Variants in PTPRM observed in about 807,000 individuals in gnomAD.
PTPRM encodes the protein receptor-type tyrosine-protein phosphatase mu.
In PTPRM, 47 loss-of-function variants were observed where a neutral mutation model predicts 186.7. That is an observed-to-expected ratio of 0.25 (90% CI 0.20 to 0.32). The LOEUF is 0.32. Ranked by LOEUF, PTPRM falls within the 10% of genes least tolerant of loss-of-function variation. The pLI is 1.00. For synonymous variants in PTPRM, 668 were observed against 674.9 expected (o/e 0.99, Z 0.16); for missense variants, 1,494 against 1,865.0 (o/e 0.80, Z 3.66).
At chr18:7,696,201 A>G (rs914144307) in intron 1 of PTPRM, among the ~76,000 whole-genome samples, 1 of 152,162 alleles carries the variant, frequency 6.6e-6, no homozygotes. Context: ...ACAACTTACT[A>G]TGCTGACACT....
At position 7,698,651 on chromosome 18, in the gene PTPRM, G is replaced by A. The variant is rs192730212; in HGVS notation, c.74-75498G>A. On this transcript the variant is annotated intron_variant, in intron 1 of 32. Coordinates refer to ENST00000580170, the MANE Select transcript of PTPRM (RefSeq NM_001105244.2). The stretch of plus-strand genomic sequence containing the variant: ...GTGGAATTCATAAGTGTTAGAATAT[G>A]CATTTGTTTAAATTCAGTAACACAA... Among the ~76,000 whole-genome samples, 942 of 152,256 alleles carry A rather than the reference G, an allele frequency of 6.2e-3. 9 individuals are homozygous for A. The highest frequency in any genetic ancestry group is 0.014 in the Middle Eastern group (4 of 294).
At chr18:8,129,562 G>A (rs1392721074) in intron 13 of PTPRM, among the ~76,000 whole-genome samples, 1 of 152,190 alleles carries the variant, frequency 6.6e-6, no homozygotes, top group Non-Finnish European at 1.5e-5. Context: ...TAGGCAAATG[G>A]CTGTGTTGTA....
intron 14 of PTPRM, among the ~76,000 whole-genome samples, chr18:8,146,290 G>T (rs542093862): frequency 6.6e-6 from 1 of 151,976 alleles, no homozygotes; most frequent in Admixed American, 6.6e-5. Context: ...CAAAGTGCTG[G>T]GATTACAGGC....
chr18:8,251,064 C>T (rs956534866), intron 17 of PTPRM, among the ~76,000 whole-genome samples: 3 of 152,036 alleles, frequency 2.0e-5, no homozygotes, highest in Admixed American at 2.0e-4. Context: ...TGCTTGAAGA[C>T]GTGTTCCACA....
intron 14 of PTPRM, among the ~76,000 whole-genome samples, chr18:8,175,356 A>T (rs1001333541): frequency 6.6e-6 from 1 of 152,232 alleles, no homozygotes; most frequent in Admixed American, 6.5e-5. Flanking sequence ...ACTGGAGTGA[A>T]TAAATATTCA....
intron 5 of PTPRM, 29 bp downstream of exon 5, chr18:7,926,712 G>C: frequency 6.4e-7 from 1 of 1,561,792 alleles, no homozygotes; most frequent in Non-Finnish European, 8.8e-7. Context: ...ATCAGTTGAT[G>C]AGAGTCCAGC....
At chr18:7,667,803 G>T (rs112488627) in intron 1 of PTPRM, among the ~76,000 whole-genome samples, 64 of 152,184 alleles carry the variant, frequency 4.2e-4, no homozygotes, top group African/African-American at 7.9e-4. Flanking sequence ...ATTGTATAAT[G>T]AGGGCAGAAA....
chr18:8,390,450 A>C lies in PTPRM; in HGVS notation c.4208+3215A>C, dbSNP rs555425302. Among the ~76,000 whole-genome samples, 111 of 152,364 alleles carry C rather than the reference A, an allele frequency of 7.3e-4. 1 individual carries two copies. Among genetic ancestry groups the C allele is most frequent in the Non-Finnish European group, 1.6e-4 (11 of 68,032 alleles). On this transcript the variant is annotated intron_variant, in intron 31 of 32. Transcript: ENST00000580170. ...TCATTAAAATTGAGCCCTTCTCTTC[A>C]TCAAAAGATGGCAATAAGAGGGTGA...
At chr18:7,871,398 G>A (rs536249304) in intron 2 of PTPRM, among the ~76,000 whole-genome samples, 140 of 152,176 alleles carry the variant, frequency 9.2e-4, no homozygotes, top group African/African-American at 3.1e-3. Flanking sequence ...TGTTTTCTGC[G>A]GTGCCATTCT....
intron 19 of PTPRM, among the ~76,000 whole-genome samples, chr18:8,281,506 C>CT (rs1453683110): frequency 1.3e-5 from 2 of 152,164 alleles, no homozygotes; most frequent in Non-Finnish European, 2.9e-5. Flanking sequence ...TGAGCTCTCT[C>CT]TAAGTGGCTG....
At chr18:7,743,318 A>T (rs1469984467) in intron 1 of PTPRM, among the ~76,000 whole-genome samples, 1 of 152,236 alleles carries the variant, frequency 6.6e-6, no homozygotes, top group Non-Finnish European at 1.5e-5. Context: ...TGCTTGCTAC[A>T]GTGTATCATG....
At chr18:8,291,982 G>T (rs1379815868) in intron 19 of PTPRM, among the ~76,000 whole-genome samples, 1 of 152,108 alleles carries the variant, frequency 6.6e-6, no homozygotes, top group Non-Finnish European at 1.5e-5. Context: ...GGCAGTCCCG[G>T]CTGCAAACTA....
intron 14 of PTPRM, among the ~76,000 whole-genome samples, chr18:8,234,931 T>C (rs1488155425): frequency 6.6e-6 from 1 of 152,128 alleles, no homozygotes; most frequent in African/African-American, 2.4e-5. Flanking sequence ...ACCTGAAATA[T>C]ATTCTACTTG....
rs1446326423 is a variant in PTPRM at position 8,126,019 on chromosome 18, A to ATTT, written c.2167+11193_2167+11194insTTT. ...TATATATATATATATATATATATAT[A>ATTT]TATATATATTTTAAATCAGTAGACC... is the stretch of plus-strand genomic sequence containing the variant. On this transcript the variant is annotated intron_variant, in intron 13 of 32. Transcript: ENST00000580170. Among the ~76,000 whole-genome samples, 184 of 31,858 alleles carry ATTT rather than the reference A, an allele frequency of 5.8e-3. 14 individuals are homozygous for ATTT. The highest frequency in any genetic ancestry group is 0.028 in the Admixed American group (54 of 1,938). 20.9% of individuals were successfully genotyped at this position (31,858 alleles called of 152,430 possible).
intron 21 of PTPRM, among the ~76,000 whole-genome samples, chr18:8,315,920 T>C (rs1025957662): frequency 1.3e-5 from 2 of 152,216 alleles, no homozygotes; most frequent in African/African-American, 4.8e-5. Context: ...CTGCACTATT[T>C]TGATAACAAC....
rs1203640066 is a variant in PTPRM at position 7,926,871 on chromosome 18, CT to C, written c.663+198del. Among the ~76,000 whole-genome samples, 11 of 149,522 alleles carry C rather than the reference CT, an allele frequency of 7.4e-5. 1 individual carries two copies. Among genetic ancestry groups the C allele is most frequent in the South Asian group, 2.1e-4 (1 of 4,720 alleles). ...TTGTTTAAACACCTTTTGTGAATTTCTTTTTTTTTTCCTTTGCTTATGCTTA... is the reference window on the plus strand; with the variant it reads ...TTGTTTAAACACCTTTTGTGAATTTCTTTTTTTTTCCTTTGCTTATGCTTA... On this transcript the variant is annotated intron_variant, in intron 5 of 32. Transcript: ENST00000580170.
chr18:8,286,146 G>A (rs2094954711), intron 19 of PTPRM, among the ~76,000 whole-genome samples: 1 of 152,242 alleles, frequency 6.6e-6, no homozygotes, highest in Non-Finnish European at 1.5e-5. Context: ...GACCTCGTGA[G>A]TTGCTGCTGA....
At chr18:7,860,084 T>C (rs981328242) in intron 2 of PTPRM, among the ~76,000 whole-genome samples, 1 of 152,090 alleles carries the variant, frequency 6.6e-6, no homozygotes, top group Non-Finnish European at 1.5e-5. Context: ...ATTTTATTTT[T>C]TTTTTTGAGA....
At chr18:7,600,104 A>G (rs1376924723) in intron 1 of PTPRM, among the ~76,000 whole-genome samples, 1 of 152,172 alleles carries the variant, frequency 6.6e-6, no homozygotes, top group African/African-American at 2.4e-5. Context: ...GGGCCCACCA[A>G]TCTGGATTTG....
Sources: allele counts gnomAD v4.1 joint callset (sites outside exome capture counted in the v4.1 genomes callset), GRCh38; gene constraint gnomAD v4.1.1; transcripts MANE v1.5; gene names NCBI Gene and HGNC (gene_info 2026-07-23, HGNC 2026-07-21).